LUZP2: variants seen among roughly 807,000 people sequenced by gnomAD.
The protein encoded by LUZP2 is leucine zipper protein 2.
LUZP2 carries 52 observed loss-of-function variants against 51.6 expected under a neutral mutation model. The observed-to-expected ratio is 1.01, with a 90% confidence interval of 0.81 to 1.27. The LOEUF is 1.27. LUZP2 is among the 50% of genes most tolerant of loss of function. LUZP2 has a pLI of 0.00. For missense variants in LUZP2, 436 were observed against 395.4 expected (o/e 1.10, Z -0.87); for synonymous variants, 154 against 137.3 (o/e 1.12, Z -0.85).
At chr11:25,043,786 G>GTA (rs1334264712) in intron 9 of LUZP2, among the ~76,000 whole-genome samples, 23 of 147,014 alleles carry the variant, frequency 1.6e-4, no homozygotes, top group African/African-American at 3.7e-4. Context: ...TATAGTGTGT[G>GTA]TATATATATA....
chr11:25,035,935 A>G (rs1482588570), intron 9 of LUZP2, among the ~76,000 whole-genome samples: 1 of 151,926 alleles, frequency 6.6e-6, no homozygotes. Context: ...TTTTGTTGTC[A>G]TTGTGTCTTT....
intron 10 of LUZP2, among the ~76,000 whole-genome samples, chr11:25,066,187 C>A (rs1858993242): frequency 1.3e-5 from 2 of 151,516 alleles, no homozygotes; most frequent in African/African-American, 4.8e-5. Flanking sequence ...AAAAAATCTC[C>A]CAACTCTTCC....
intron 1 of LUZP2, among the ~76,000 whole-genome samples, chr11:24,616,276 G>C (rs866585467): frequency 6.6e-5 from 10 of 151,876 alleles, no homozygotes; most frequent in Non-Finnish European, 1.5e-4. Flanking sequence ...CGTAGCCATA[G>C]ATCCAGAAGA....
chr11:24,617,494 G>A lies in LUZP2; in HGVS notation c.63-111675G>A, dbSNP rs146904664. 5.3e-3 allele frequency among the ~76,000 whole-genome samples: 804 copies of A among 152,236 alleles called. 5 individuals are homozygous for A. The highest frequency in any genetic ancestry group is 9.0e-3 in the Admixed American group (137 of 15,284). ...TTTTTGATTCAGTTGAGATTTCAGT[G>A]ATTCTTAGTACGATAGTGATTTGGT... On this transcript the variant is annotated intron_variant, in intron 1 of 11. Transcript: ENST00000336930.
intron 1 of LUZP2, among the ~76,000 whole-genome samples, chr11:24,567,594 C>T (rs868083186): frequency 1.3e-5 from 2 of 151,872 alleles, no homozygotes; most frequent in Non-Finnish European, 1.5e-5. Flanking sequence ...AATGACTCAT[C>T]ATGTATAAGG....
At chr11:24,884,447 C>T (rs1052398625) in intron 5 of LUZP2, among the ~76,000 whole-genome samples, 8 of 152,016 alleles carry the variant, frequency 5.3e-5, no homozygotes, top group African/African-American at 9.7e-5. Flanking sequence ...CACAGACATA[C>T]ATTCGACACC....
At chr11:24,549,234 TA>T (rs1231589429) in intron 1 of LUZP2, among the ~76,000 whole-genome samples, 7 of 152,234 alleles carry the variant, frequency 4.6e-5, no homozygotes, top group African/African-American at 1.7e-4. Context: ...TTAAATTAAA[TA>T]CAAAGGTACT....
chr11:24,771,616 C>T (rs1590492038), intron 5 of LUZP2, among the ~76,000 whole-genome samples: 1 of 151,788 alleles, frequency 6.6e-6, no homozygotes, highest in East Asian at 2.0e-4. Context: ...AAGAAAAAGA[C>T]ACTACCTCCA....
At chr11:24,919,029 CATA>C (rs1853913216) in intron 7 of LUZP2, among the ~76,000 whole-genome samples, 1 of 53,104 alleles carries the variant, frequency 1.9e-5, no homozygotes, top group Non-Finnish European at 4.1e-5. Context: ...ACTATATATC[CATA>C]ATATGTATTA....
rs538167406 is a variant in LUZP2, at chr11:24,795,644, C to T, written c.396+32336C>T. On this transcript the variant is annotated intron_variant, in intron 5 of 11. Coordinates refer to ENST00000336930, the MANE Select transcript of LUZP2 (RefSeq NM_001009909.4). Reference sequence around the variant, plus strand: ...CCAAACCTGAGCTTTTTACCAGGTTCTCCTCTGTTGCTTTGTCAGCATGTC... The same window carrying T: ...CCAAACCTGAGCTTTTTACCAGGTTTTCCTCTGTTGCTTTGTCAGCATGTC... Among the ~76,000 whole-genome samples the T allele has an allele frequency of 8.0e-4, 122 of 152,228 alleles. 1 individual carries two copies. Among genetic ancestry groups the T allele is most frequent in the African/African-American group, 2.8e-3 (118 of 41,568 alleles).
At chr11:24,978,459 C>A (rs1382987133) in intron 8 of LUZP2, among the ~76,000 whole-genome samples, 1 of 151,670 alleles carries the variant, frequency 6.6e-6, no homozygotes, top group African/African-American at 2.4e-5. Flanking sequence ...GATTCTGAAG[C>A]AGTCTGGTCT....
intron 9 of LUZP2, among the ~76,000 whole-genome samples, chr11:25,017,726 G>GTTT (rs1857198781): frequency 6.6e-6 from 1 of 151,968 alleles, no homozygotes; most frequent in Non-Finnish European, 1.5e-5. Context: ...TGTTGTTGTT[G>GTTT]TTATGTGTTT....
At chr11:24,617,329 T>C (rs1339964723) in intron 1 of LUZP2, among the ~76,000 whole-genome samples, 1 of 152,208 alleles carries the variant, frequency 6.6e-6, no homozygotes, top group East Asian at 1.9e-4. Context: ...ATTTTTCACC[T>C]GATTTGTGGC....
At chr11:24,925,343 C>T (rs771991336) in intron 7 of LUZP2, among the ~76,000 whole-genome samples, 1 of 152,032 alleles carries the variant, frequency 6.6e-6, no homozygotes, top group Non-Finnish European at 1.5e-5. Flanking sequence ...TGCCCTTGGC[C>T]AAAAGGAAAG....
intron 1 of LUZP2, among the ~76,000 whole-genome samples, chr11:24,513,059 A>G (rs1049977753): frequency 2.0e-4 from 31 of 151,430 alleles, no homozygotes; most frequent in African/African-American, 7.1e-4. Context: ...CGCCCAGCAA[A>G]TGATTTTTTT....
chr11:24,670,053 A>G (rs1172478069), intron 1 of LUZP2, among the ~76,000 whole-genome samples: 2 of 152,092 alleles, frequency 1.3e-5, no homozygotes, highest in African/African-American at 4.8e-5. Flanking sequence ...GAATAACTTC[A>G]GGTAAAAACA....
At chr11:24,679,332 G>A (rs1169024216) in intron 1 of LUZP2, among the ~76,000 whole-genome samples, 2 of 152,074 alleles carry the variant, frequency 1.3e-5, no homozygotes, top group African/African-American at 4.8e-5. Flanking sequence ...CAATAATAAT[G>A]TAGAGAAGTT....
At chr11:24,915,150 A>G (rs1008843371) in intron 7 of LUZP2, among the ~76,000 whole-genome samples, 2 of 152,156 alleles carry the variant, frequency 1.3e-5, no homozygotes, top group Non-Finnish European at 2.9e-5. Context: ...ATGAATTAGA[A>G]TTCCTTTAAT....
chr11:24,891,930 T>C (rs965367520), intron 5 of LUZP2: 6 of 985,056 alleles, frequency 6.1e-6, no homozygotes, highest in African/African-American at 1.8e-5. Context: ...GGAAAAGAGG[T>C]GAAAAATGGC....
Sources: allele counts gnomAD v4.1 joint callset (sites outside exome capture counted in the v4.1 genomes callset), GRCh38; gene constraint gnomAD v4.1.1; transcripts MANE v1.5; gene names NCBI Gene and HGNC (gene_info 2026-07-23, HGNC 2026-07-21).